The following ABCA1 variants were observed in gnomAD, a reference collection of about 807,000 sequenced individuals.
The protein encoded by ABCA1 is phospholipid-transporting ATPase ABCA1.
ABCA1 carries 133 observed loss-of-function variants against 262.5 expected under a neutral mutation model. The observed-to-expected ratio is 0.51, with a 90% CI of 0.44 to 0.59. The LOEUF (loss-of-function observed/expected upper bound fraction) is 0.59, where lower values mean the gene tolerates loss of function less well. ABCA1 is among the 20% of genes least tolerant of loss of function. ABCA1 has a pLI of 0.00. For synonymous variants in ABCA1, 1,022 were observed against 1,043.5 expected, an observed-to-expected ratio of 0.98 and a Z score of 0.40; for missense variants, 2,452 against 2,777.5, an observed-to-expected ratio of 0.88 and a Z score of 2.63.
intron 20 of ABCA1, 106 bp from the exon 21 acceptor site, chr9:104,820,175 G>T: frequency 7.1e-7 from 1 of 1,416,532 alleles, no homozygotes; most frequent in Non-Finnish European, 9.9e-7. Context: ...CTCTCCCCGT[G>T]CTTTTTAAAA....
Position 104,848,617 on chromosome 9 carries a change from A to G in ABCA1, c.721-3048T>C, listed in dbSNP as rs537652878. On this transcript the variant is annotated intron_variant, in intron 7 of 49. Transcript: ENST00000374736. ...GCATCAGAGTGAGACTCGGTCTCAG[A>G]AAAAAAAAAAAAAATGCAGATTCTC... Among the ~76,000 whole-genome samples the G allele has an allele frequency of 6.6e-3, 634 of 95,434 alleles. 11 individuals are homozygous for G. Among genetic ancestry groups the G allele is most frequent in the African/African-American group, 0.024 (600 of 25,520 alleles). 62.6% of individuals were successfully genotyped at this position (95,434 alleles called of 152,430 possible). A position where few individuals can be genotyped will look rare whatever the true frequency, so the allele number is the denominator to read the frequency against.
At chr9:104,873,182 G>T (rs1347282784) in intron 5 of ABCA1, among the ~76,000 whole-genome samples, 1 of 152,224 alleles carries the variant, frequency 6.6e-6, no homozygotes, top group Non-Finnish European at 1.5e-5. Flanking sequence ...CATACAGAAC[G>T]TGAATTGCAA....
intron 7 of ABCA1, 129 bp from the exon 8 acceptor site, chr9:104,845,698 A>G: frequency 1.5e-6 from 1 of 681,870 alleles, no homozygotes; most frequent in Non-Finnish European, 2.6e-6. Flanking sequence ...CTCCTAACCA[A>G]AACTAAAGAC....
In ABCA1 at chr9:104,790,933, A is replaced by T. The variant is rs1829372086; in HGVS notation, c.5916T>A (p.Leu1972=). ...DTTVTRGDAF[L]NKNSILSNIH... is the part of the protein sequence containing the mutation. ...ACTTCTTTTCTCACCTATTTTTGTT[A>T]AGGAAAGCATCTCCTCTGGTAACAG... The change falls in exon 44 of 50, where the codon CTT becomes CTA. Residue 1972 remains leucine, a synonymous_variant. Transcript: ENST00000374736. 1 of 1,611,492 alleles carries T rather than the reference A, an allele frequency of 6.2e-7. No homozygotes were observed. Among genetic ancestry groups the T allele is most frequent in the African/African-American group, 1.3e-5 (1 of 74,892 alleles).
Position 104,884,481 on chromosome 9 carries a change from C to A in ABCA1, c.248G>T (p.Arg83Leu). The change falls in exon 4 of 50, where the codon CGT (arginine) becomes CTT (leucine). Residue 83 changes from arginine (R) to leucine (L), a missense_variant. This residue lies in a region of ABCA1 where 1,032 missense variants were observed against 1,089.7 expected (regional missense o/e 0.95). Transcript: ENST00000374736. ...IICNANNPCF[R>L]YPTPGEAPGV... is the part of the protein sequence containing the mutation. ...GGGAGCCTCCCCAGGAGTCGGGTAA[C>A]GGAAACAGGGGTTGTTGGCATTACA... The A allele has an allele frequency of 6.2e-7, 1 of 1,614,198 alleles. No homozygotes were observed. The highest frequency in any genetic ancestry group is 8.5e-7 in the Non-Finnish European group (1 of 1,180,028).
intron 30 of ABCA1, among the ~76,000 whole-genome samples, chr9:104,807,258 G>C (rs1588254505): frequency 6.6e-6 from 1 of 152,202 alleles, no homozygotes; most frequent in Middle Eastern, 3.4e-3. Context: ...GGGATGACTG[G>C]GGTGAGAATG....
Position 104,798,606 on chromosome 9 carries a change from G to GA in ABCA1, c.4944-9dup. The GA allele has an allele frequency of 6.2e-7, 1 of 1,613,520 alleles. No homozygotes were observed. The highest frequency in any genetic ancestry group is 8.5e-7 in the Non-Finnish European group (1 of 1,179,748). ...TCCACTGATGTGGTCATCCTGGAGA[G>GA]AAAAAGCGTGTGAAAATCTGAGGGG... is the stretch of plus-strand genomic sequence containing the variant. On this transcript the variant is annotated splice_polypyrimidine_tract_variant and intron_variant, in intron 36 of 49. Transcript: ENST00000374736.
intron 2 of ABCA1, among the ~76,000 whole-genome samples, chr9:104,889,677 G>T (rs1416505634): frequency 6.6e-6 from 1 of 152,194 alleles, no homozygotes; most frequent in Non-Finnish European, 1.5e-5. Context: ...TGCCAGGTAT[G>T]TGGTGACTAT....
chr9:104,831,533 T>G, intron 13 of ABCA1, 89 bp downstream of exon 13: 5 of 1,123,864 alleles, frequency 4.4e-6, no homozygotes, highest in Non-Finnish European at 6.2e-6. Flanking sequence ...CTACCAAATT[T>G]TTAGTTAAAA....
intron 31 of ABCA1, among the ~76,000 whole-genome samples, chr9:104,805,565 GA>G (rs376906706): frequency 9.9e-5 from 15 of 152,178 alleles, no homozygotes; most frequent in African/African-American, 3.6e-4. Context: ...GAGTCTCTAA[GA>G]ATACCAGAGT....
intron 19 of ABCA1, 106 bp downstream of exon 19, chr9:104,822,390 C>CA: frequency 6.9e-7 from 1 of 1,458,844 alleles, no homozygotes; most frequent in Non-Finnish European, 9.6e-7. Context: ...TCATGTGCTC[C>CA]TTCCCTTGGC....
intron 11 of ABCA1, among the ~76,000 whole-genome samples, chr9:104,834,441 A>C (rs1429990683): frequency 6.7e-6 from 1 of 149,538 alleles, no homozygotes; most frequent in Non-Finnish European, 1.5e-5. Context: ...ACAAAATTGT[A>C]CCTCACAAGT....
intron 20 of ABCA1, 110 bp from the exon 21 acceptor site, chr9:104,820,179 T>G (rs1168721837): frequency 3.6e-6 from 5 of 1,383,660 alleles, no homozygotes; most frequent in Non-Finnish European, 5.1e-6. Flanking sequence ...CCCCGTGCTT[T>G]TTAAAATAAC....
chr9:104,884,952 T>A (rs1443720087), intron 3 of ABCA1, among the ~76,000 whole-genome samples: 1 of 152,198 alleles, frequency 6.6e-6, no homozygotes, highest in Non-Finnish European at 1.5e-5. Flanking sequence ...TAAGATGAAG[T>A]GGGCTGGGCA....
At chr9:104,903,218 A>C (rs946654708) in intron 2 of ABCA1, among the ~76,000 whole-genome samples, 2 of 152,194 alleles carry the variant, frequency 1.3e-5, no homozygotes, top group African/African-American at 4.8e-5. Flanking sequence ...TTGATCTCTA[A>C]GAGTGGGGCC....
chr9:104,886,089 C>G (rs1034783546), intron 3 of ABCA1, among the ~76,000 whole-genome samples: 14 of 152,142 alleles, frequency 9.2e-5, no homozygotes, highest in African/African-American at 3.4e-4. Flanking sequence ...TTGCAGAGTG[C>G]CTGGTGTAGG....
chr9:104,811,039 G>T, intron 28 of ABCA1, 115 bp from the exon 29 acceptor site: 1 of 1,477,610 alleles, frequency 6.8e-7, no homozygotes, highest in Admixed American at 1.8e-5. Flanking sequence ...AACCAGCACG[G>T]CAATGAGGAA....
chr9:104,898,581 TAAA>T (rs1564273724), intron 2 of ABCA1, among the ~76,000 whole-genome samples: 17 of 149,712 alleles, frequency 1.1e-4, no homozygotes, highest in Non-Finnish European at 2.5e-4. Flanking sequence ...AATAAATAAA[TAAA>T]TAAATAAATA....
intron 2 of ABCA1, among the ~76,000 whole-genome samples, chr9:104,897,562 C>T (rs1266104537): frequency 6.6e-6 from 1 of 152,148 alleles, no homozygotes; most frequent in East Asian, 1.9e-4. Context: ...AGGCATCATC[C>T]CACAGTAGAT....
Sources: gnomAD v4.1 joint callset for allele counts (sites outside exome capture counted in the v4.1 genomes callset) on GRCh38, gnomAD v4.1.1 for gene constraint, gnomAD v4.1.1 regional missense constraint, MANE v1.5 for transcripts, NCBI Gene and HGNC (gene_info 2026-07-23, HGNC 2026-07-21) for gene names.